Variants in KPNA3 observed in about 807,000 individuals in gnomAD.
KPNA3 encodes importin subunit alpha-4.
A neutral mutation model predicts 73.8 loss-of-function variants in KPNA3; 13 were observed. That is an observed-to-expected ratio of 0.18 (90% CI 0.11 to 0.28). The LOEUF (loss-of-function observed/expected upper bound fraction) is 0.28. KPNA3 is among the 10% of genes least tolerant of loss of function. The pLI is 1.00. For missense variants in KPNA3, 360 were observed against 618.1 expected (o/e 0.58, Z 4.43); for synonymous variants, 186 against 206.9 (o/e 0.90, Z 0.87).
chr13:49,756,133 G>A (rs1368472461), intron 1 of KPNA3, among the ~76,000 whole-genome samples: 1 of 152,182 alleles, frequency 6.6e-6, no homozygotes, highest in Non-Finnish European at 1.5e-5. Flanking sequence ...ATTTAGCTGG[G>A]CATCGTGGTA....
chr13:49,790,514 A>G (rs1347350661), intron 1 of KPNA3, among the ~76,000 whole-genome samples: 3 of 152,246 alleles, frequency 2.0e-5, no homozygotes, highest in African/African-American at 7.2e-5. Context: ...CACTTCATAT[A>G]CTTGTTACAC....
chr13:49,732,292 T>C, intron 6 of KPNA3, 79 bp downstream of exon 6: 1 of 620,438 alleles, frequency 1.6e-6, no homozygotes, highest in East Asian at 2.7e-5. Context: ...AAAACCAAAC[T>C]GAACTCACTG....
intron 1 of KPNA3, among the ~76,000 whole-genome samples, chr13:49,780,267 C>A (rs1332094596): frequency 6.6e-6 from 1 of 151,660 alleles, no homozygotes; most frequent in Admixed American, 6.6e-5. Context: ...TGCTTTTGCG[C>A]TCAAGACACA....
At chr13:49,772,857 C>G (rs1954866393) in intron 1 of KPNA3, among the ~76,000 whole-genome samples, 1 of 152,080 alleles carries the variant, frequency 6.6e-6, no homozygotes, top group African/African-American at 2.4e-5. Context: ...CACTCTGTTC[C>G]TAGGTATTGA....
At position 49,702,006 on chromosome 13, in the gene KPNA3, A is replaced by C. The variant is rs180786254; in HGVS notation, c.1468-108T>G. ...GCAAATAATTCTATGTGAATGCTTT[A>C]ACCAACTAAAAATATTCGAGTAAAT... On this transcript the variant is annotated intron_variant, in intron 16 of 16. Coordinates refer to ENST00000261667, the MANE Select transcript of KPNA3 (RefSeq NM_002267.4). 3.1e-4 allele frequency: 212 copies of C among 682,202 alleles called. No homozygotes were observed. In the East Asian group the frequency reaches 5.4e-3, roughly 17 times the overall value. The allele number at this position is 682,202 out of a possible 1,614,324, so 42.3% of individuals were successfully genotyped here.
chr13:49,790,158 A>C (rs533086315), intron 1 of KPNA3, among the ~76,000 whole-genome samples: 113 of 152,212 alleles, frequency 7.4e-4, no homozygotes, highest in Non-Finnish European at 1.3e-3. Context: ...CTACATAAGC[A>C]CACTGAGGTT....
chr13:49,737,588 TGTGTGTGTGTGTGTG>T (rs1297527927), intron 2 of KPNA3, among the ~76,000 whole-genome samples: 7 of 151,018 alleles, frequency 4.6e-5, no homozygotes, highest in African/African-American at 1.7e-4. Flanking sequence ...TGTGTGTGTG[TGTGTGTGTGTGTGTG>T]TGTGTGTGTA....
At chr13:49,777,098 G>A (rs1954903669) in intron 1 of KPNA3, among the ~76,000 whole-genome samples, 1 of 152,144 alleles carries the variant, frequency 6.6e-6, no homozygotes, top group Non-Finnish European at 1.5e-5. Context: ...CAAATGTTGA[G>A]GAATGCACAT....
chr13:49,724,614 T>C (rs1954392165), intron 7 of KPNA3, among the ~76,000 whole-genome samples: 1 of 151,988 alleles, frequency 6.6e-6, no homozygotes, highest in Non-Finnish European at 1.5e-5. Flanking sequence ...GCCTTTGTTT[T>C]TGAGATAGGG....
At chr13:49,705,855 T>C in intron 14 of KPNA3, 72 bp from the exon 15 acceptor site, 3 of 1,341,400 alleles carry the variant, frequency 2.2e-6, no homozygotes, top group East Asian at 5.1e-5. Flanking sequence ...TCGTGCTACA[T>C]GGAAGGCTGA....
At chr13:49,786,052 A>G (rs1231154246) in intron 1 of KPNA3, among the ~76,000 whole-genome samples, 1 of 152,224 alleles carries the variant, frequency 6.6e-6, no homozygotes, top group East Asian at 1.9e-4. Flanking sequence ...CTTTGCCTTA[A>G]CATTTTTTTA....
intron 1 of KPNA3, among the ~76,000 whole-genome samples, chr13:49,773,524 G>A (rs986216082): frequency 1.1e-4 from 16 of 151,720 alleles, no homozygotes; most frequent in African/African-American, 2.7e-4. Context: ...CACTTGGGGC[G>A]GCTGATAAAT....
chr13:49,768,943 A>G (rs1409302789), intron 1 of KPNA3, among the ~76,000 whole-genome samples: 1 of 152,154 alleles, frequency 6.6e-6, no homozygotes, highest in Non-Finnish European at 1.5e-5. Context: ...CATGCAAATA[A>G]GGTTGTGGTA....
rs1043729 is a variant in KPNA3 at position 49,699,695 on chromosome 13, T to C, written c.*2105A>G. The C allele has an allele frequency of 0.12, 18,184 of 152,634 alleles. 2,177 individuals are homozygous for C. The highest frequency in any genetic ancestry group is 0.58 in the East Asian group (3,018 of 5,178). 9.5% of individuals were successfully genotyped at this position (152,634 alleles called of 1,614,324 possible). A position where few individuals can be genotyped will look rare whatever the true frequency, so the allele number is the denominator to read the frequency against. ...GAGGCCCAATTTTAATCATAATGTG[T>C]GCAAATTTTAAAAGGTAACTGTCAG... On this transcript the variant is annotated 3_prime_UTR_variant, in exon 17 of 17. Transcript: ENST00000261667.
chr13:49,722,443 A>G, intron 8 of KPNA3, 34 bp downstream of exon 8: 1 of 1,417,728 alleles, frequency 7.1e-7, no homozygotes, highest in South Asian at 1.2e-5. Context: ...AAGTTAATTT[A>G]GATTCTTAAG....
chr13:49,730,080 C>T (rs1954447543), intron 6 of KPNA3, among the ~76,000 whole-genome samples: 1 of 152,110 alleles, frequency 6.6e-6, no homozygotes, highest in South Asian at 2.1e-4. Flanking sequence ...GTGGTGGTTA[C>T]AGAGGTCTGA....
At chr13:49,733,138 T>G (rs1189877593) in intron 2 of KPNA3, 92 bp from the exon 3 acceptor site, 1 of 789,632 alleles carries the variant, frequency 1.3e-6, no homozygotes, top group African/African-American at 1.7e-5. Context: ...TAGGCAATTA[T>G]GAAACAAATA....
rs1487073341 is a variant in KPNA3 at position 49,732,470 on chromosome 13, G to A, written c.288-4C>T. On this transcript the variant is annotated splice_region_variant and splice_polypyrimidine_tract_variant and intron_variant, in intron 5 of 16. Transcript: ENST00000261667. ...TCTGTCACTGGATAACAGTTTTCTA[G>A]GAAAATAAATATGAGAAATTAATTG... 1 of 1,562,932 alleles carries A rather than the reference G, an allele frequency of 6.4e-7. No individual in the cohort carries two copies. The highest frequency in any genetic ancestry group is 1.8e-5 in the Admixed American group (1 of 54,120).
chr13:49,725,587 C>CT, intron 6 of KPNA3, 86 bp from the exon 7 acceptor site: 6 of 782,650 alleles, frequency 7.7e-6, no homozygotes, highest in Non-Finnish European at 1.2e-5. Flanking sequence ...TATGGCTATT[C>CT]TTTGCCTTGT....
Sources: gnomAD v4.1 joint callset for allele counts (sites outside exome capture counted in the v4.1 genomes callset) on GRCh38, gnomAD v4.1.1 for gene constraint, MANE v1.5 for transcripts, NCBI Gene and HGNC (gene_info 2026-07-23, HGNC 2026-07-21) for gene names.